CDH8: variants seen among roughly 807,000 people sequenced by gnomAD.
The protein encoded by CDH8 is cadherin-8.
In CDH8, 17 loss-of-function variants were observed where a neutral mutation model predicts 68.1. The observed-to-expected ratio is 0.25, with a 90% CI of 0.17 to 0.37. The LOEUF (loss-of-function observed/expected upper bound fraction) is 0.37, where lower values mean the gene tolerates loss of function less well. Ranked by LOEUF, CDH8 falls within the 10% of genes least tolerant of loss-of-function variation. The pLI is 1.00. For synonymous variants in CDH8, 372 were observed against 365.1 expected (o/e 1.02, Z -0.21); for missense variants, 763 against 999.3 (o/e 0.76, Z 3.19).
chr16:62,018,025 A>G (rs1901983746), intron 2 of CDH8, among the ~76,000 whole-genome samples: 1 of 152,216 alleles, frequency 6.6e-6, no homozygotes, highest in Non-Finnish European at 1.5e-5. Flanking sequence ...ATACAATTAC[A>G]ACTACAATTA....
Position 61,653,200 on chromosome 16 carries a change from A to G in CDH8, c.*408T>C. The G allele has an allele frequency of 8.3e-7, 1 of 1,210,686 alleles. No individual in the cohort carries two copies. The highest frequency in any genetic ancestry group is 1.0e-6 in the Non-Finnish European group (1 of 975,866). 75.0% of individuals were successfully genotyped at this position (1,210,686 alleles called of 1,614,324 possible). On this transcript the variant is annotated 3_prime_UTR_variant, in exon 12 of 12. Transcript: ENST00000577390. Reference sequence around the variant, plus strand: ...GGGAAAAAACCATTTGCATTCATAAAAATCCTTGCAGAAGACACATATCAG... The same window carrying G: ...GGGAAAAAACCATTTGCATTCATAAGAATCCTTGCAGAAGACACATATCAG...
chr16:61,922,838 T>G (rs561760312), intron 2 of CDH8, among the ~76,000 whole-genome samples: 2 of 152,286 alleles, frequency 1.3e-5, no homozygotes, highest in East Asian at 3.9e-4. Context: ...ACATACAAAT[T>G]TATGCAATTT....
In CDH8 at chr16:61,744,850, C is replaced by G. The variant is rs539880728; in HGVS notation, c.1415-17635G>C. 2.7e-5 allele frequency among the ~76,000 whole-genome samples: 4 copies of G among 150,436 alleles called. No individual in the cohort carries two copies. The South Asian group carries it at 8.4e-4, about 32-fold the overall frequency. On this transcript the variant is annotated intron_variant, in intron 8 of 11. Coordinates refer to ENST00000577390, the MANE Select transcript of CDH8 (RefSeq NM_001796.5). ...TTGTTTATGATAATTTATATTACAC[C>G]CTTCCCATTTCCATCATTTTTGTTA...
intron 2 of CDH8, among the ~76,000 whole-genome samples, chr16:61,973,637 G>T (rs1326941477): frequency 6.6e-6 from 1 of 152,084 alleles, no homozygotes; most frequent in Non-Finnish European, 1.5e-5. Context: ...GTAATGCAAA[G>T]GAATCATCCA....
intron 10 of CDH8, among the ~76,000 whole-genome samples, chr16:61,665,749 T>G (rs910694491): frequency 6.7e-6 from 1 of 149,930 alleles, no homozygotes. Context: ...AGTCTGAATT[T>G]ATTTTCCTTC....
At chr16:62,021,014 G>T in intron 2 of CDH8, 138 bp downstream of exon 2, 1 of 751,786 alleles carries the variant, frequency 1.3e-6, no homozygotes, top group Non-Finnish European at 2.2e-6. Flanking sequence ...ATTCCTAACA[G>T]AACGACAGGT....
intron 2 of CDH8, among the ~76,000 whole-genome samples, chr16:61,973,066 G>A (rs2150578061): frequency 6.6e-6 from 1 of 152,228 alleles, no homozygotes; most frequent in African/African-American, 2.4e-5. Context: ...ACATGGATTG[G>A]AGTTGCAGGG....
At chr16:61,958,616 GA>G (rs1054670845) in intron 2 of CDH8, among the ~76,000 whole-genome samples, 1 of 152,096 alleles carries the variant, frequency 6.6e-6, no homozygotes, top group African/African-American at 2.4e-5. Flanking sequence ...GAGAATCACA[GA>G]TTTGATCCTC....
At chr16:61,801,107 A>G (rs1961615155) in intron 7 of CDH8, among the ~76,000 whole-genome samples, 2 of 149,048 alleles carry the variant, frequency 1.3e-5, no homozygotes, top group South Asian at 4.2e-4. Context: ...CACCAATCAG[A>G]AAAAAAAAAG....
intron 2 of CDH8, among the ~76,000 whole-genome samples, chr16:61,985,988 A>T (rs1965620600): frequency 7.0e-6 from 1 of 143,632 alleles, no homozygotes; most frequent in African/African-American, 2.6e-5. Context: ...CAGTGGCACA[A>T]GCTCAACTCA....
At chr16:61,753,375 G>A (rs1960223315) in intron 8 of CDH8, among the ~76,000 whole-genome samples, 2 of 151,924 alleles carry the variant, frequency 1.3e-5, no homozygotes, top group South Asian at 4.1e-4. Context: ...GTGTAGGTGG[G>A]ACTACAGGCA....
At chr16:61,909,298 C>A (rs576029939) in intron 2 of CDH8, among the ~76,000 whole-genome samples, 45 of 152,186 alleles carry the variant, frequency 3.0e-4, no homozygotes, top group Non-Finnish European at 5.1e-4. Context: ...GCTGTGGACA[C>A]CTGGAAAAAA....
chr16:62,031,254 T>C (rs938232308), intron 1 of CDH8, among the ~76,000 whole-genome samples: 7 of 152,168 alleles, frequency 4.6e-5, no homozygotes, highest in African/African-American at 1.7e-4. Context: ...AACAAAAATA[T>C]GCTTTGTGGA....
intron 2 of CDH8, among the ~76,000 whole-genome samples, chr16:62,006,498 A>T (rs1262932298): frequency 1.3e-5 from 2 of 152,204 alleles, no homozygotes; most frequent in African/African-American, 4.8e-5. Flanking sequence ...TAATAGCCCT[A>T]TCTCACAGGA....
At chr16:61,719,082 C>G (rs1022229948) in intron 9 of CDH8, among the ~76,000 whole-genome samples, 1 of 150,256 alleles carries the variant, frequency 6.7e-6, no homozygotes, top group African/African-American at 2.4e-5. Flanking sequence ...CAGTTGCTAC[C>G]AAGATTTTTA....
intron 2 of CDH8, among the ~76,000 whole-genome samples, chr16:61,972,684 G>A (rs1965363503): frequency 6.6e-6 from 1 of 151,426 alleles, no homozygotes; most frequent in Non-Finnish European, 1.5e-5. Flanking sequence ...CCATGAGCAG[G>A]AATATGACCC....
At chr16:61,838,710 T>C (rs1962619854) in intron 4 of CDH8, among the ~76,000 whole-genome samples, 1 of 152,166 alleles carries the variant, frequency 6.6e-6, no homozygotes, top group African/African-American at 2.4e-5. Context: ...TCTGTAGAAG[T>C]AACCTATATA....
chr16:61,764,136 ATGATAT>A (rs949016899), intron 8 of CDH8, among the ~76,000 whole-genome samples: 2 of 152,094 alleles, frequency 1.3e-5, no homozygotes, highest in African/African-American at 4.8e-5. Flanking sequence ...TGACATTCCT[ATGATAT>A]TGATATTATC....
At chr16:61,847,444 G>A (rs968594845) in intron 4 of CDH8, among the ~76,000 whole-genome samples, 1 of 151,188 alleles carries the variant, frequency 6.6e-6, no homozygotes, top group South Asian at 2.1e-4. Context: ...TGCTCTCTTA[G>A]TGGATTCTTA....
Sources: gnomAD v4.1 joint callset for allele counts (sites outside exome capture counted in the v4.1 genomes callset) on GRCh38, gnomAD v4.1.1 for gene constraint, MANE v1.5 for transcripts, NCBI Gene and HGNC (gene_info 2026-07-23, HGNC 2026-07-21) for gene names.